Variants in ATXN2 observed in about 807,000 individuals in gnomAD.
The protein encoded by ATXN2 is ataxin 2.
In ATXN2, 37 loss-of-function variants were observed where a neutral mutation model predicts 138.6. The ratio of observed to expected loss-of-function variants is 0.27; its 90% CI spans 0.21 to 0.35. The LOEUF (loss-of-function observed/expected upper bound fraction) is 0.35, where lower values mean the gene tolerates loss of function less well. Among genes scored for constraint, ATXN2 ranks in the 10% least tolerant of loss-of-function variants. The pLI is 1.00. For missense variants in ATXN2, 1,216 were observed against 1,480.3 expected (o/e 0.82, Z 2.93); for synonymous variants, 549 against 543.7 (o/e 1.01, Z -0.13).
At chr12:111,502,356 T>C (rs1878828421) in intron 14 of ATXN2, among the ~76,000 whole-genome samples, 1 of 152,236 alleles carries the variant, frequency 6.6e-6, no homozygotes, top group Non-Finnish European at 1.5e-5. Flanking sequence ...GCTATATTGC[T>C]ATATATGGAA....
intron 1 of ATXN2, among the ~76,000 whole-genome samples, chr12:111,593,080 T>G (rs932022452): frequency 1.3e-5 from 2 of 151,566 alleles, no homozygotes; most frequent in Non-Finnish European, 2.9e-5. Context: ...ATCCTCCTTT[T>G]TTTGTTTGTT....
At position 111,475,155 on chromosome 12, in the gene ATXN2, A is replaced by C. The variant is rs539507828; in HGVS notation, c.2525-4413T>G. On this transcript the variant is annotated intron_variant, in intron 18 of 24. Transcript: ENST00000673436. ...CATGAACCCAAGAGGCGGAGCTTGCAGTGAGCCGAGATCGCATCACTGCAC... is the reference window on the plus strand; with the variant it reads ...CATGAACCCAAGAGGCGGAGCTTGCCGTGAGCCGAGATCGCATCACTGCAC... Among the ~76,000 whole-genome samples, 170 of 151,944 alleles carry C rather than the reference A, an allele frequency of 1.1e-3. 1 individual carries two copies. Among genetic ancestry groups the C allele is most frequent in the South Asian group, 4.8e-3 (23 of 4,798 alleles).
chr12:111,598,165 C>G lies in ATXN2; in HGVS notation c.251+619G>C. 9.2e-7 allele frequency: 1 copy of G among 1,090,024 alleles called. No homozygotes were observed. Among genetic ancestry groups the G allele is most frequent in the South Asian group, 2.4e-5 (1 of 40,838 alleles). The allele number at this position is 1,090,024 out of a possible 1,614,324, so 67.5% of individuals were successfully genotyped here. A position where few individuals can be genotyped will look rare whatever the true frequency, so the allele number is the denominator to read the frequency against. The stretch of plus-strand genomic sequence containing the variant: ...ACACGAACGCAGAGGGGTGCGGGGG[C>G]CAAGGCCCACTTGTCTCCACCCCGT... On this transcript the variant is annotated intron_variant, in intron 1 of 24. Coordinates refer to ENST00000673436, the MANE Select transcript of ATXN2 (RefSeq NM_001372574.1). The surrounding 1 kb of genome is among the most constrained non-coding windows in gnomAD (Gnocchi z 4.5).
chr12:111,544,748 G>A (rs1036693499), intron 5 of ATXN2, among the ~76,000 whole-genome samples: 5 of 152,088 alleles, frequency 3.3e-5, no homozygotes, highest in Non-Finnish European at 7.4e-5. Context: ...TCTGAAGGAG[G>A]GTGAAACCAA....
intron 1 of ATXN2, among the ~76,000 whole-genome samples, chr12:111,582,937 G>GGAT (rs1225904001): frequency 6.7e-6 from 1 of 150,220 alleles, no homozygotes; most frequent in Non-Finnish European, 1.5e-5. Flanking sequence ...CAAAGTGCTG[G>GGAT]GATTACAGGC....
intron 1 of ATXN2, among the ~76,000 whole-genome samples, chr12:111,566,454 A>AG (rs1883012698): frequency 6.6e-6 from 1 of 151,482 alleles, no homozygotes; most frequent in South Asian, 2.1e-4. Context: ...AAAAGAAAAA[A>AG]AAAAAAAGAA....
At chr12:111,595,777 T>G (rs1884908573) in intron 1 of ATXN2, among the ~76,000 whole-genome samples, 1 of 151,856 alleles carries the variant, frequency 6.6e-6, no homozygotes, top group Non-Finnish European at 1.5e-5. Flanking sequence ...GACTGATGGT[T>G]GGGGGCAGTG....
intron 21 of ATXN2, chr12:111,458,044 G>A (rs1875250521): frequency 6.6e-6 from 1 of 152,254 alleles, no homozygotes; most frequent in African/African-American, 2.4e-5. Context: ...TGATGGGCCA[G>A]TTTAAATCAA....
At position 111,493,565 on chromosome 12, in the gene ATXN2, T is replaced by C. The variant is rs138483905; in HGVS notation, c.1936-4785A>G. ...ATTGTAACACTGTAATTGTGGTGTA[T>C]AAACTACTACTCATATTTTGAGCAG... On this transcript the variant is annotated intron_variant, in intron 14 of 24. Transcript: ENST00000673436. 2.1e-3 allele frequency among the ~76,000 whole-genome samples: 316 copies of C among 151,976 alleles called. 2 individuals carry two copies. The highest frequency in any genetic ancestry group is 4.3e-3 in the Admixed American group (66 of 15,266).
Position 111,456,115 on chromosome 12 carries a change from C to G in ATXN2, c.3184G>C (p.Ala1062Pro), listed in dbSNP as rs763604387. The change falls in exon 23 of 25, where the codon GCA becomes CCA. Residue 1062 changes from alanine (A) to proline (P), a missense_variant. By Grantham distance (27) the Ala-to-Pro change is conservative (BLOSUM62 -1). Around this residue, in one of 4 missense-constraint regions of ATXN2, gnomAD observed 490 missense variants for 653.5 expected, o/e 0.75. Coordinates refer to ENST00000673436, the MANE Select transcript of ATXN2 (RefSeq NM_001372574.1). ...ATCGTAAAGACAGTCTGTTGTGCTG[C>G]TGGGAAACTATTCTGTGGCGACTGC... is the stretch of plus-strand genomic sequence containing the variant. The part of the protein sequence containing the change: ...NTQSPQNSFP[A>P]AQQTVFTIHP... The G allele has an allele frequency of 2.5e-6, 4 of 1,614,178 alleles. No homozygotes were observed. In the South Asian group the frequency reaches 3.3e-5, roughly 13 times the overall value.
chr12:111,529,699 A>C (rs1880706147), intron 5 of ATXN2, among the ~76,000 whole-genome samples: 1 of 152,194 alleles, frequency 6.6e-6, no homozygotes, highest in Non-Finnish European at 1.5e-5. Context: ...CCCAGGAAAC[A>C]GAGTACATAT....
chr12:111,482,366 T>TTA (rs1877305958), intron 18 of ATXN2, among the ~76,000 whole-genome samples: 1 of 151,908 alleles, frequency 6.6e-6, no homozygotes, highest in South Asian at 2.1e-4. Flanking sequence ...AGCTAATTGT[T>TTA]TGTATTTTTA....
At chr12:111,597,763 G>A in intron 1 of ATXN2, 1 of 989,528 alleles carries the variant, frequency 1.0e-6, no homozygotes, top group Non-Finnish European at 1.4e-6. Context: ...CTGCCTTCAG[G>A]AACCCGACCA....
chr12:111,599,653 G>T (rs1391362991), upstream of ATXN2: 1 of 1,080,232 alleles, frequency 9.3e-7, no homozygotes, highest in Non-Finnish European at 1.1e-6. Context: ...AGCGGGCGGC[G>T]CGCTGGGTTG....
chr12:111,562,738 A>G (rs1882769755), intron 1 of ATXN2, among the ~76,000 whole-genome samples: 1 of 151,566 alleles, frequency 6.6e-6, no homozygotes, highest in Admixed American at 6.6e-5. Flanking sequence ...AAAAAAAAAA[A>G]AAAAAAATGT....
Position 111,452,576 on chromosome 12 carries a change from G to T in ATXN2, c.*236C>A. ...GCAAGCAGAGCTGGGGTACCTGCGGGACTCTGAAACAGCATATGGAATTAT... is the reference window on the plus strand; with the variant it reads ...GCAAGCAGAGCTGGGGTACCTGCGGTACTCTGAAACAGCATATGGAATTAT... On this transcript the variant is annotated 3_prime_UTR_variant, in exon 25 of 25. Coordinates refer to ENST00000673436, the MANE Select transcript of ATXN2 (RefSeq NM_001372574.1). 1 of 522,112 alleles carries T rather than the reference G, an allele frequency of 1.9e-6. No homozygotes were observed. The highest frequency in any genetic ancestry group is 3.4e-6 in the Non-Finnish European group (1 of 294,922). The allele number at this position is 522,112 out of a possible 1,614,324, so 32.3% of individuals were successfully genotyped here.
intron 1 of ATXN2, among the ~76,000 whole-genome samples, chr12:111,562,934 T>C (rs1592904496): frequency 1.3e-5 from 2 of 152,040 alleles, no homozygotes; most frequent in African/African-American, 4.8e-5. Flanking sequence ...AACTTTATAG[T>C]GAAGAAACTT....
At chr12:111,522,798 C>T (rs529020015) in intron 6 of ATXN2, among the ~76,000 whole-genome samples, 2 of 152,098 alleles carry the variant, frequency 1.3e-5, no homozygotes, top group East Asian at 1.9e-4. Flanking sequence ...CTTGTAGTCC[C>T]AGCTACTCAG....
intron 18 of ATXN2, among the ~76,000 whole-genome samples, chr12:111,484,470 T>C (rs1452189398): frequency 1.3e-5 from 2 of 152,152 alleles, no homozygotes; most frequent in African/African-American, 2.4e-5. Flanking sequence ...TCTCACTCTG[T>C]TGCCCAGGCT....
Sources: allele counts gnomAD v4.1 joint callset (sites outside exome capture counted in the v4.1 genomes callset), GRCh38; gene constraint gnomAD v4.1.1; regional missense constraint gnomAD v4.1.1; non-coding constraint Gnocchi (gnomAD v3.1); transcripts MANE v1.5; gene names NCBI Gene and HGNC (gene_info 2026-07-23, HGNC 2026-07-21).